CNKSR3: variants seen among roughly 807,000 people sequenced by gnomAD.
CNKSR3 encodes the protein connector enhancer of kinase suppressor of ras 3.
A neutral mutation model predicts 67.7 loss-of-function variants in CNKSR3; 36 were observed. That is an observed-to-expected ratio of 0.53 (90% CI 0.41 to 0.70). CNKSR3 has a LOEUF of 0.70. Among genes scored for constraint, CNKSR3 ranks in the 30% least tolerant of loss-of-function variants. The pLI, the probability that CNKSR3 is intolerant of heterozygous loss-of-function variation, is 0.00. For synonymous variants in CNKSR3, 281 were observed against 271.4 expected, an observed-to-expected ratio of 1.04 and a Z score of -0.35; for missense variants, 630 against 695.2, an observed-to-expected ratio of 0.91 and a Z score of 1.05.
At chr6:154,480,804 T>C (rs1786550136) in intron 1 of CNKSR3, among the ~76,000 whole-genome samples, 1 of 152,226 alleles carries the variant, frequency 6.6e-6, no homozygotes, top group African/African-American at 2.4e-5. Context: ...CCACCATATC[T>C]CGCAATTACT....
intron 1 of CNKSR3, among the ~76,000 whole-genome samples, chr6:154,491,596 C>G (rs78637675): frequency 1.2e-4 from 19 of 152,068 alleles, no homozygotes; most frequent in Non-Finnish European, 2.5e-4. Flanking sequence ...TTTCTACTTA[C>G]ATGGGTAATT....
chr6:154,441,266 G>GAGAA, intron 4 of CNKSR3, 26 bp downstream of exon 4: 1 of 714,002 alleles, frequency 1.4e-6, no homozygotes, highest in Non-Finnish European at 2.0e-6. Flanking sequence ...AAAAAAAAAA[G>GAGAA]AAAGTGAAAA....
chr6:154,472,742 T>G (rs957648142), intron 1 of CNKSR3, among the ~76,000 whole-genome samples: 3 of 152,070 alleles, frequency 2.0e-5, no homozygotes, highest in Non-Finnish European at 4.4e-5. Flanking sequence ...TATAAATTTT[T>G]TTTTATTTTA....
rs778006573 is a variant in CNKSR3 at position 154,460,374 on chromosome 6, G to A, written c.53-10116C>T. ...GAAGAAACACAACATTGACTTATATGTTTGAAGGTGTGTGTGCGTGCATGT... is the reference window on the plus strand; with the variant it reads ...GAAGAAACACAACATTGACTTATATATTTGAAGGTGTGTGTGCGTGCATGT... On this transcript the variant is annotated intron_variant, in intron 1 of 12. Coordinates refer to ENST00000607772, the MANE Select transcript of CNKSR3 (RefSeq NM_173515.4). Among the ~76,000 whole-genome samples the A allele has an allele frequency of 3.3e-5, 5 of 152,286 alleles. No individual in the cohort carries two copies. The South Asian group carries it at 8.3e-4, about 25-fold the overall frequency.
At chr6:154,504,104 C>G (rs962231353) in intron 1 of CNKSR3, among the ~76,000 whole-genome samples, 2 of 152,220 alleles carry the variant, frequency 1.3e-5, no homozygotes, top group African/African-American at 4.8e-5. Flanking sequence ...CAGGGGCCAA[C>G]AGTTGACAGC....
intron 9 of CNKSR3, among the ~76,000 whole-genome samples, chr6:154,415,097 CAAAAA>C (rs1157415390): frequency 1.1e-3 from 36 of 33,230 alleles, no homozygotes; most frequent in African/African-American, 2.2e-3. Context: ...GACTCTGTCT[CAAAAA>C]AAAAAAAAAA....
chr6:154,488,991 C>A (rs1182953580), intron 1 of CNKSR3, among the ~76,000 whole-genome samples: 1 of 152,138 alleles, frequency 6.6e-6, no homozygotes, highest in Non-Finnish European at 1.5e-5. Context: ...TGGAAAATGA[C>A]ACAAAGGGGA....
chr6:154,418,760 T>C (rs1785074123), intron 9 of CNKSR3, among the ~76,000 whole-genome samples: 1 of 152,190 alleles, frequency 6.6e-6, no homozygotes, highest in Non-Finnish European at 1.5e-5. Context: ...TGGGCAATGA[T>C]CTTTTGGCTC....
chr6:154,434,964 T>C (rs1474096189), intron 4 of CNKSR3, among the ~76,000 whole-genome samples: 1 of 151,968 alleles, frequency 6.6e-6, no homozygotes, highest in Non-Finnish European at 1.5e-5. Flanking sequence ...TAATACTTTA[T>C]CTTTGTGTCT....
intron 1 of CNKSR3, among the ~76,000 whole-genome samples, chr6:154,504,133 T>C (rs1787049697): frequency 1.3e-5 from 2 of 152,208 alleles, no homozygotes. Flanking sequence ...TCCTATGCCA[T>C]GCTCACTGCA....
At chr6:154,460,419 T>C (rs946793256) in intron 1 of CNKSR3, among the ~76,000 whole-genome samples, 1 of 152,202 alleles carries the variant, frequency 6.6e-6, no homozygotes. Context: ...AGCATATACC[T>C]ATATCTCACA....
At chr6:154,428,992 C>A (rs569377455) in intron 6 of CNKSR3, among the ~76,000 whole-genome samples, 1 of 152,290 alleles carries the variant, frequency 6.6e-6, no homozygotes, top group African/African-American at 2.4e-5. Context: ...TAGTAACAGA[C>A]ACCCCTCCTT....
intron 1 of CNKSR3, among the ~76,000 whole-genome samples, chr6:154,459,472 A>G (rs1786033893): frequency 6.6e-6 from 1 of 152,322 alleles, no homozygotes; most frequent in South Asian, 2.1e-4. Context: ...AAGAGAAAAT[A>G]AAAGTTTAGA....
At chr6:154,410,893 T>A (rs781751789) in intron 11 of CNKSR3, 41 bp downstream of exon 11, 8 of 1,535,086 alleles carry the variant, frequency 5.2e-6, no homozygotes, top group Middle Eastern at 1.8e-4. Context: ...GGAGGAGAAG[T>A]CAAGGCCAAC....
chr6:154,412,983 G>A (rs1784940048), intron 10 of CNKSR3, among the ~76,000 whole-genome samples: 1 of 152,082 alleles, frequency 6.6e-6, no homozygotes, highest in African/African-American at 2.4e-5. Flanking sequence ...GAGCCAGATT[G>A]TCTAGTTTTA....
intron 9 of CNKSR3, among the ~76,000 whole-genome samples, chr6:154,420,685 T>C (rs1476006566): frequency 1.8e-5 from 1 of 55,040 alleles, no homozygotes; most frequent in Non-Finnish European, 2.9e-5. Context: ...CGAGACTCCG[T>C]CTCAAAAAAA....
chr6:154,428,040 G>T, intron 7 of CNKSR3, 88 bp downstream of exon 7: 1 of 837,216 alleles, frequency 1.2e-6, no homozygotes, highest in Admixed American at 2.0e-5. Context: ...CAAACAGCAT[G>T]CACACGTTTA....
intron 5 of CNKSR3, among the ~76,000 whole-genome samples, chr6:154,432,766 G>C (rs1231467695): frequency 2.0e-5 from 3 of 152,206 alleles, no homozygotes; most frequent in African/African-American, 7.2e-5. Context: ...TCTCCTTATA[G>C]AAGTCACAGT....
chr6:154,463,344 A>T (rs1297421348), intron 1 of CNKSR3, among the ~76,000 whole-genome samples: 1 of 152,106 alleles, frequency 6.6e-6, no homozygotes, highest in African/African-American at 2.4e-5. Context: ...AAGTGCTAGG[A>T]TTACAGGCGT....
Sources: gnomAD v4.1 joint callset for allele counts (sites outside exome capture counted in the v4.1 genomes callset) on GRCh38, gnomAD v4.1.1 for gene constraint, MANE v1.5 for transcripts, NCBI Gene and HGNC (gene_info 2026-07-23, HGNC 2026-07-21) for gene names.